ATXN7L1: variants seen among roughly 807,000 people sequenced by gnomAD.
ATXN7L1 encodes the protein ataxin 7 like 1.
In ATXN7L1, 15 loss-of-function variants were observed where a neutral mutation model predicts 70.8. That is an observed-to-expected ratio of 0.21 (90% CI 0.14 to 0.33). The LOEUF is 0.33. ATXN7L1 is among the 10% of genes least tolerant of loss of function. ATXN7L1 has a pLI of 1.00. For missense variants in ATXN7L1, 975 were observed against 1,097.1 expected, an observed-to-expected ratio of 0.89 and a Z score of 1.57; for synonymous variants, 440 against 445.1, an observed-to-expected ratio of 0.99 and a Z score of 0.14.
chr7:105,659,205 T>A (rs1024369484), intron 4 of ATXN7L1, among the ~76,000 whole-genome samples: 1 of 152,238 alleles, frequency 6.6e-6, no homozygotes, highest in Non-Finnish European at 1.5e-5. Flanking sequence ...AATGTAAAAT[T>A]AACATGTGTG....
chr7:105,607,754 T>C lies in ATXN7L1; in HGVS notation c.*98A>G. ...CACAGGGAGTGCACAGAAAACAGAC[T>C]CTCCCCCCAGCCCACTCCCCTCCCT... On this transcript the variant is annotated 3_prime_UTR_variant, in exon 12 of 12. Transcript: ENST00000419735. The C allele has an allele frequency of 9.0e-7, 1 of 1,108,100 alleles. No homozygotes were observed. Among genetic ancestry groups the C allele is most frequent in the Non-Finnish European group, 1.3e-6 (1 of 751,714 alleles). 68.6% of individuals were successfully genotyped at this position (1,108,100 alleles called of 1,614,324 possible). A position where few individuals can be genotyped will look rare whatever the true frequency, so the allele number is the denominator to read the frequency against.
At chr7:105,731,256 A>G (rs1393362168) in intron 3 of ATXN7L1, among the ~76,000 whole-genome samples, 2 of 152,190 alleles carry the variant, frequency 1.3e-5, no homozygotes, top group African/African-American at 4.8e-5. Flanking sequence ...TACATATGCA[A>G]ATATTCCAAA....
intron 2 of ATXN7L1, among the ~76,000 whole-genome samples, chr7:105,815,961 A>T (rs1025464214): frequency 2.0e-5 from 3 of 152,206 alleles, no homozygotes; most frequent in African/African-American, 7.2e-5. Context: ...TTAAAAGAAA[A>T]ACAAAAAGTT....
chr7:105,739,501 T>G (rs774729952), intron 3 of ATXN7L1, among the ~76,000 whole-genome samples: 39 of 152,286 alleles, frequency 2.6e-4, no homozygotes, highest in Admixed American at 1.4e-3. Flanking sequence ...TTACAGTTAA[T>G]TTTACCTTGC....
At chr7:105,623,202 G>A (rs1425795441) in intron 8 of ATXN7L1, among the ~76,000 whole-genome samples, 1 of 152,188 alleles carries the variant, frequency 6.6e-6, no homozygotes, top group Non-Finnish European at 1.5e-5. Flanking sequence ...AGGGAAGAGG[G>A]ATTCACTCGA....
At chr7:105,609,258 C>T (rs1210852275) in intron 11 of ATXN7L1, among the ~76,000 whole-genome samples, 1 of 151,120 alleles carries the variant, frequency 6.6e-6, no homozygotes, top group Non-Finnish European at 1.5e-5. Flanking sequence ...CAACCTCCAT[C>T]TCCCGGGTTC....
intron 3 of ATXN7L1, among the ~76,000 whole-genome samples, chr7:105,669,439 A>C (rs892260766): frequency 1.1e-4 from 16 of 152,178 alleles, no homozygotes; most frequent in Admixed American, 1.0e-3. Context: ...TATTAATTAA[A>C]ACCTGAAGAC....
chr7:105,639,362 T>C, intron 6 of ATXN7L1, 125 bp downstream of exon 6: 1 of 662,320 alleles, frequency 1.5e-6, no homozygotes, highest in Non-Finnish European at 2.5e-6. Context: ...AGCATTTCCC[T>C]TACAAAGAAC....
chr7:105,819,797 A>G, intron 2 of ATXN7L1: 1 of 659,962 alleles, frequency 1.5e-6, no homozygotes, highest in South Asian at 1.4e-5. Flanking sequence ...GAGCGCCTCA[A>G]GGTGTTTGAC....
intron 9 of ATXN7L1, among the ~76,000 whole-genome samples, chr7:105,616,734 T>C (rs1310227515): frequency 6.6e-6 from 1 of 152,188 alleles, no homozygotes; most frequent in Non-Finnish European, 1.5e-5. Context: ...TGGAAATGTC[T>C]ACACACATCC....
intron 3 of ATXN7L1, among the ~76,000 whole-genome samples, chr7:105,725,273 A>G (rs1183514046): frequency 6.6e-6 from 1 of 152,166 alleles, no homozygotes; most frequent in Non-Finnish European, 1.5e-5. Context: ...CTCTGTTATG[A>G]GACAAGCTAT....
At chr7:105,712,931 T>C (rs1361558225) in intron 3 of ATXN7L1, among the ~76,000 whole-genome samples, 1 of 152,250 alleles carries the variant, frequency 6.6e-6, no homozygotes, top group Non-Finnish European at 1.5e-5. Flanking sequence ...ATTCTCATAC[T>C]GCTATAAAGC....
chr7:105,747,733 G>A (rs577993865), intron 3 of ATXN7L1, among the ~76,000 whole-genome samples: 7 of 152,176 alleles, frequency 4.6e-5, no homozygotes, highest in Non-Finnish European at 7.3e-5. Flanking sequence ...GGTACATAGC[G>A]TCAGAATTGA....
At chr7:105,672,034 T>C (rs941325078) in intron 3 of ATXN7L1, among the ~76,000 whole-genome samples, 8 of 152,062 alleles carry the variant, frequency 5.3e-5, no homozygotes, top group Admixed American at 5.2e-4. Context: ...ACGCTTGTAA[T>C]TCCAGCACTT....
intron 4 of ATXN7L1, among the ~76,000 whole-genome samples, chr7:105,655,750 G>C (rs369767128): frequency 6.6e-6 from 1 of 152,184 alleles, no homozygotes; most frequent in Non-Finnish European, 1.5e-5. Flanking sequence ...TCCATAAAGC[G>C]TTGGGAAGAC....
At chr7:105,866,274 C>T (rs1249411397) in intron 2 of ATXN7L1, among the ~76,000 whole-genome samples, 1 of 152,186 alleles carries the variant, frequency 6.6e-6, no homozygotes, top group Non-Finnish European at 1.5e-5. Context: ...GTCATCGACT[C>T]ACTTTTATCT....
At chr7:105,818,126 T>C (rs1039073593) in intron 2 of ATXN7L1, among the ~76,000 whole-genome samples, 1 of 152,190 alleles carries the variant, frequency 6.6e-6, no homozygotes, top group Non-Finnish European at 1.5e-5. Context: ...AGACTCTCAA[T>C]GTAACAAGCT....
At chr7:105,856,252 A>C (rs548597560) in intron 2 of ATXN7L1, among the ~76,000 whole-genome samples, 4 of 152,318 alleles carry the variant, frequency 2.6e-5, no homozygotes, top group African/African-American at 9.6e-5. Flanking sequence ...AAGTCAACCA[A>C]AGCATTTGGT....
At chr7:105,689,342 G>T (rs1790428099) in intron 3 of ATXN7L1, among the ~76,000 whole-genome samples, 1 of 152,164 alleles carries the variant, frequency 6.6e-6, no homozygotes, top group African/African-American at 2.4e-5. Context: ...GGCCTGGGAG[G>T]GGCAACGTGC....
Sources: gnomAD v4.1 joint callset for allele counts (sites outside exome capture counted in the v4.1 genomes callset) on GRCh38, gnomAD v4.1.1 for gene constraint, MANE v1.5 for transcripts, NCBI Gene and HGNC (gene_info 2026-07-23, HGNC 2026-07-21) for gene names.